Variants in UBE3A observed in about 807,000 individuals in gnomAD.
The protein encoded by UBE3A is ubiquitin protein ligase E3A.
In UBE3A, 6 loss-of-function variants were observed where a neutral mutation model predicts 83.4. The observed-to-expected ratio is 0.07, with a 90% CI of 0.04 to 0.14. The LOEUF is 0.14. Ranked by LOEUF, UBE3A falls within the 10% of genes least tolerant of loss-of-function variation. UBE3A has a pLI of 1.00. For synonymous variants in UBE3A, 337 were observed against 355.4 expected (o/e 0.95, Z 0.58); for missense variants, 456 against 1,036.1 (o/e 0.44, Z 7.69).
At chr15:25,429,868 G>C (rs113921600) in intron 1 of UBE3A, among the ~76,000 whole-genome samples, 1 of 149,366 alleles carries the variant, frequency 6.7e-6, no homozygotes, top group Non-Finnish European at 1.5e-5. Context: ...AGCCGGGCGT[G>C]GTAGTGCACA....
At chr15:25,364,647 T>TTG (rs1555395633) in intron 6 of UBE3A, among the ~76,000 whole-genome samples, 1 of 122,492 alleles carries the variant, frequency 8.2e-6, no homozygotes, top group African/African-American at 3.3e-5. Context: ...TTTTGTTTGT[T>TTG]TTTTTTTTTT....
intron 2 of UBE3A, among the ~76,000 whole-genome samples, chr15:25,410,601 A>G (rs2089783882): frequency 6.6e-6 from 1 of 152,208 alleles, no homozygotes; most frequent in Non-Finnish European, 1.5e-5. Context: ...AATATAAAAC[A>G]GCAAGGTATC....
intron 5 of UBE3A, among the ~76,000 whole-genome samples, chr15:25,373,017 G>A (rs1021626823): frequency 2.0e-5 from 3 of 152,172 alleles, no homozygotes; most frequent in Non-Finnish European, 2.9e-5. Context: ...CTGTGGCCCA[G>A]CTACAAGAGT....
At chr15:25,417,828 G>T (rs1424585345) in intron 1 of UBE3A, 1 of 150,986 alleles carries the variant, frequency 6.6e-6, no homozygotes, top group Non-Finnish European at 1.5e-5. Flanking sequence ...TGAAAGAGGA[G>T]TAAAGGTGGT....
At chr15:25,368,629 T>C (rs2079737149) in intron 6 of UBE3A, among the ~76,000 whole-genome samples, 1 of 152,100 alleles carries the variant, frequency 6.6e-6, no homozygotes, top group Non-Finnish European at 1.5e-5. Flanking sequence ...CACTATATTA[T>C]CTAATTTTGA....
intron 4 of UBE3A, among the ~76,000 whole-genome samples, chr15:25,384,436 G>A (rs2082729376): frequency 6.7e-6 from 1 of 149,118 alleles, no homozygotes; most frequent in African/African-American, 2.5e-5. Context: ...ACTCCAGCCT[G>A]GTGACAGAGT....
intron 4 of UBE3A, among the ~76,000 whole-genome samples, chr15:25,397,394 G>A (rs1488983626): frequency 1.3e-5 from 2 of 152,210 alleles, no homozygotes; most frequent in South Asian, 4.2e-4. Flanking sequence ...ACTACCAAAT[G>A]CAAGCTTCAT....
At chr15:25,418,193 A>G (rs976933340) in intron 1 of UBE3A, 9 of 152,212 alleles carry the variant, frequency 5.9e-5, no homozygotes, top group Admixed American at 5.9e-4. Context: ...GACTATTGTC[A>G]ACTATGATCT....
chr15:25,368,415 G>C (rs2079688471), intron 6 of UBE3A, among the ~76,000 whole-genome samples: 1 of 152,028 alleles, frequency 6.6e-6, no homozygotes, highest in African/African-American at 2.4e-5. Context: ...GAAAAAGCAA[G>C]GGAGAAAGAA....
chr15:25,416,033 A>G (rs551182231), intron 1 of UBE3A, among the ~76,000 whole-genome samples: 2 of 152,164 alleles, frequency 1.3e-5, no homozygotes, highest in Non-Finnish European at 2.9e-5. Flanking sequence ...TGTTTCTAAT[A>G]ATGTTCCTTT....
intron 1 of UBE3A, among the ~76,000 whole-genome samples, chr15:25,434,191 A>T (rs1324246133): frequency 2.6e-5 from 4 of 152,230 alleles, no homozygotes; most frequent in African/African-American, 9.6e-5. Flanking sequence ...TGTTATTGAT[A>T]ACTCAGATCA....
intron 6 of UBE3A, among the ~76,000 whole-genome samples, chr15:25,367,237 A>ATGTAAATATTTACATATT (rs2079384387): frequency 2.4e-5 from 2 of 82,308 alleles, no homozygotes; most frequent in Admixed American, 1.1e-4. Flanking sequence ...ATTTGTAAAT[A>ATGTAAATATTTACATATT]TGTAAATATT....
chr15:25,359,716 C>A (rs760195486), intron 7 of UBE3A, among the ~76,000 whole-genome samples: 6 of 151,894 alleles, frequency 4.0e-5, no homozygotes, highest in Non-Finnish European at 8.8e-5. Flanking sequence ...AGTAGACTAC[C>A]CAAAAGACTG....
chr15:25,398,207 A>T (rs2152999147), intron 4 of UBE3A, among the ~76,000 whole-genome samples: 1 of 151,944 alleles, frequency 6.6e-6, no homozygotes, highest in Non-Finnish European at 1.5e-5. Context: ...AAAACAAAAA[A>T]AAGGATACAT....
At chr15:25,348,260 C>CGTAT (rs1393279509) in intron 11 of UBE3A, among the ~76,000 whole-genome samples, 2 of 151,926 alleles carry the variant, frequency 1.3e-5, no homozygotes, top group East Asian at 3.9e-4. Flanking sequence ...TGATTTTTAA[C>CGTAT]GTATGTGAAA....
Position 25,360,370 on chromosome 15 carries a change from C to T in UBE3A, c.1753+13G>A. 3 of 1,613,422 alleles carry T rather than the reference C, an allele frequency of 1.9e-6. No individual in the cohort carries two copies. In the South Asian group the frequency reaches 3.3e-5, roughly 18 times the overall value. On this transcript the variant is annotated intron_variant, in intron 7 of 12. Coordinates refer to ENST00000648336, the MANE Select transcript of UBE3A (RefSeq NM_130839.5). ...ATGATACGACACCATAATCACATTA[C>T]TAATGTATTTACCAATATCTGGATT...
At position 25,371,952 on chromosome 15, in the gene UBE3A, T is replaced by A; in HGVS notation, c.362-140A>T. 3 of 912,530 alleles carry A rather than the reference T, an allele frequency of 3.3e-6. No homozygotes were observed. The highest frequency in any genetic ancestry group is 4.8e-6 in the Non-Finnish European group (3 of 623,196). 56.5% of individuals were successfully genotyped at this position (912,530 alleles called of 1,614,324 possible). ...GATATACAACTCTTAAAGTATCTAA[T>A]ACTTAGATTCAGCAAACAAAATTTA... On this transcript the variant is annotated intron_variant, in intron 5 of 12. Coordinates refer to ENST00000648336, the MANE Select transcript of UBE3A (RefSeq NM_130839.5). This position sits in a 1 kb window ranked among gnomAD's most constrained non-coding sequence, Gnocchi z 5.3.
intron 1 of UBE3A, among the ~76,000 whole-genome samples, chr15:25,413,458 A>G (rs777640700): frequency 2.6e-5 from 4 of 152,164 alleles, no homozygotes; most frequent in Non-Finnish European, 5.9e-5. Context: ...GGATAATGCT[A>G]CTTATTAAAA....
At chr15:25,359,414 GATGCGTGTGTGT>G (rs1228168713) in intron 7 of UBE3A, among the ~76,000 whole-genome samples, 3 of 120,068 alleles carry the variant, frequency 2.5e-5, no homozygotes, top group Admixed American at 9.2e-5. Flanking sequence ...ATAGATAAGG[GATGCGTGTGTGT>G]GTGTGTGTGT....
Sources: gnomAD v4.1 joint callset for allele counts (sites outside exome capture counted in the v4.1 genomes callset) on GRCh38, gnomAD v4.1.1 for gene constraint, Gnocchi (gnomAD v3.1) non-coding constraint, MANE v1.5 for transcripts, NCBI Gene and HGNC (gene_info 2026-07-23, HGNC 2026-07-21) for gene names.